SLC30A4: variants seen among roughly 807,000 people sequenced by gnomAD.
SLC30A4 encodes the protein probable proton-coupled zinc antiporter SLC30A4.
Under a neutral mutation model 41.7 loss-of-function variants are expected in SLC30A4, and 20 were observed. The ratio of observed to expected loss-of-function variants is 0.48; its 90% CI spans 0.34 to 0.70. The LOEUF (loss-of-function observed/expected upper bound fraction) is 0.70, where lower values mean the gene tolerates loss of function less well. Ranked by LOEUF, SLC30A4 falls within the 30% of genes least tolerant of loss-of-function variation. SLC30A4 has a pLI of 0.01. For missense variants in SLC30A4, 441 were observed against 529.3 expected (o/e 0.83, Z 1.64); for synonymous variants, 181 against 195.9 (o/e 0.92, Z 0.64).
chr15:45,480,015 G>C lies in SLC30A4; in HGVS notation c.*5148C>G, dbSNP rs1453443154. ...TTATTTAATAACATGTATTTATTGA[G>C]AGAAGCATAAACTTTCCAAATATAC... On this transcript the variant is annotated 3_prime_UTR_variant, in exon 8 of 8. Transcript: ENST00000261867. The C allele has an allele frequency of 1.3e-5, 2 of 152,068 alleles. No homozygotes were observed. The highest frequency in any genetic ancestry group is 2.9e-5 in the Non-Finnish European group (2 of 68,026). 9.4% of individuals were successfully genotyped at this position (152,068 alleles called of 1,614,324 possible).
chr15:45,500,400 A>G (rs751466258), intron 3 of SLC30A4, among the ~76,000 whole-genome samples: 13 of 152,222 alleles, frequency 8.5e-5, no homozygotes, highest in Non-Finnish European at 1.5e-4. Flanking sequence ...TACTCTCCAA[A>G]AGGTCATATA....
chr15:45,501,320 T>C (rs1302916814), intron 3 of SLC30A4, among the ~76,000 whole-genome samples: 1 of 151,690 alleles, frequency 6.6e-6, no homozygotes, highest in African/African-American at 2.4e-5. Context: ...AAAAAAAAAT[T>C]ATGGAAAAAT....
chr15:45,512,760 G>A (rs1892337610), intron 2 of SLC30A4, among the ~76,000 whole-genome samples: 1 of 152,310 alleles, frequency 6.6e-6, no homozygotes, highest in South Asian at 2.1e-4. Context: ...ACTTTGAGAT[G>A]ATAGAAATGT....
chr15:45,508,601 G>A (rs1892212209), intron 3 of SLC30A4, among the ~76,000 whole-genome samples: 2 of 152,042 alleles, frequency 1.3e-5, no homozygotes, highest in African/African-American at 4.8e-5. Context: ...AAAATTTCTG[G>A]AAATGTGTTT....
At chr15:45,493,599 G>A (rs1006543731) in intron 3 of SLC30A4, among the ~76,000 whole-genome samples, 2 of 152,108 alleles carry the variant, frequency 1.3e-5, no homozygotes, top group African/African-American at 4.8e-5. Context: ...AGGCCGAGGC[G>A]GGCGGATCAC....
chr15:45,492,204 G>T (rs1891823677), intron 3 of SLC30A4, among the ~76,000 whole-genome samples: 1 of 133,628 alleles, frequency 7.5e-6, no homozygotes, highest in Admixed American at 7.8e-5. Flanking sequence ...AGCATTGTCT[G>T]TAGCATCCAA....
chr15:45,493,000 G>T (rs373949202), intron 3 of SLC30A4, among the ~76,000 whole-genome samples: 6 of 152,178 alleles, frequency 3.9e-5, no homozygotes, highest in Admixed American at 6.5e-5. Context: ...GGCCAGACGC[G>T]GTGGCTTATG....
chr15:45,517,841 A>G (rs577135002), intron 2 of SLC30A4, among the ~76,000 whole-genome samples: 2 of 152,064 alleles, frequency 1.3e-5, no homozygotes, highest in Admixed American at 1.3e-4. Context: ...CCAGCTACTC[A>G]GGAGGCTGAG....
At position 45,522,408 on chromosome 15, in the gene SLC30A4, G is replaced by C; in HGVS notation, c.-54C>G. On this transcript the variant is annotated 5_prime_UTR_variant, in exon 2 of 8. Transcript: ENST00000261867. The stretch of plus-strand genomic sequence containing the variant: ...ACGGCTTGGGGGAGGCGGACGGCCG[G>C]CGGCGCCTACTTCACCGGAGCGCCA... 1 of 1,508,674 alleles carries C rather than the reference G, an allele frequency of 6.6e-7. No individual in the cohort carries two copies. Among genetic ancestry groups the C allele is most frequent in the Non-Finnish European group, 8.8e-7 (1 of 1,134,622 alleles). The allele number at this position is 1,508,674 out of a possible 1,614,324, so 93.5% of individuals were successfully genotyped here. A position where few individuals can be genotyped will look rare whatever the true frequency, so the allele number is the denominator to read the frequency against.
chr15:45,511,883 G>A (rs1248669907), intron 2 of SLC30A4, among the ~76,000 whole-genome samples: 1 of 152,200 alleles, frequency 6.6e-6, no homozygotes, highest in Admixed American at 6.6e-5. Context: ...TCTTGGTACT[G>A]AAGCTTTTGC....
Position 45,483,246 on chromosome 15 carries a change from G to A in SLC30A4, c.*1917C>T, listed in dbSNP as rs1332504574. 6.6e-6 allele frequency: 1 copy of A among 152,100 alleles called. No individual in the cohort carries two copies. The highest frequency in any genetic ancestry group is 1.5e-5 in the Non-Finnish European group (1 of 68,014). The allele number at this position is 152,100 out of a possible 1,614,324, so 9.4% of individuals were successfully genotyped here. The stretch of plus-strand genomic sequence containing the variant: ...AAGGTACTTGGTAAGAAGATAAAAT[G>A]TTTCCTATTCTTCATTTATATTGTA... On this transcript the variant is annotated 3_prime_UTR_variant, in exon 8 of 8. Coordinates refer to ENST00000261867, the MANE Select transcript of SLC30A4 (RefSeq NM_013309.6).
chr15:45,517,689 C>T (rs1358445772), intron 2 of SLC30A4, among the ~76,000 whole-genome samples: 1 of 152,062 alleles, frequency 6.6e-6, no homozygotes, highest in African/African-American at 2.4e-5. Flanking sequence ...TGGCTCACGC[C>T]TGTAATCCCA....
At chr15:45,516,227 G>C (rs1225359790) in intron 2 of SLC30A4, among the ~76,000 whole-genome samples, 1 of 152,164 alleles carries the variant, frequency 6.6e-6, no homozygotes, top group East Asian at 1.9e-4. Context: ...CACTTCCAGA[G>C]GTACCTGGTA....
rs1891610735 is a variant in SLC30A4 at position 45,482,085 on chromosome 15, A to G, written c.*3078T>C. 2 of 140,904 alleles carry G rather than the reference A, an allele frequency of 1.4e-5. No individual in the cohort carries two copies. The highest frequency in any genetic ancestry group is 5.8e-5 in the African/African-American group (2 of 34,382). 8.7% of individuals were successfully genotyped at this position (140,904 alleles called of 1,614,324 possible). A position where few individuals can be genotyped will look rare whatever the true frequency, so the allele number is the denominator to read the frequency against. On this transcript the variant is annotated 3_prime_UTR_variant, in exon 8 of 8. Coordinates refer to ENST00000261867, the MANE Select transcript of SLC30A4 (RefSeq NM_013309.6). ...AAAAAAAAAAAAAAAAAAAAAAAAA[A>G]GATTTACAAAGGTTTGCAGTGTTTC...
In SLC30A4 at chr15:45,511,320, T is replaced by C. The variant is rs867289246; in HGVS notation, c.392-36A>G. On this transcript the variant is annotated intron_variant, in intron 2 of 7. Transcript: ENST00000261867. Reference sequence around the variant, plus strand: ...CAAGTAGGAGAAAAAAGGAACAAGTTAATTTTTTAAAAAAGCAAGCAATCA... The same window carrying C: ...CAAGTAGGAGAAAAAAGGAACAAGTCAATTTTTTAAAAAAGCAAGCAATCA... 39 of 1,472,600 alleles carry C rather than the reference T, an allele frequency of 2.6e-5. No individual in the cohort carries two copies. In the Middle Eastern group the frequency reaches 6.3e-3, roughly 239 times the overall value. 91.2% of individuals were successfully genotyped at this position (1,472,600 alleles called of 1,614,324 possible).
intron 2 of SLC30A4, among the ~76,000 whole-genome samples, chr15:45,512,157 T>C (rs539672410): frequency 6.6e-6 from 1 of 152,316 alleles, no homozygotes; most frequent in South Asian, 2.1e-4. Flanking sequence ...ATATATATAT[T>C]ATACATTGTT....
At chr15:45,494,403 G>C (rs1003001277) in intron 3 of SLC30A4, among the ~76,000 whole-genome samples, 10 of 152,190 alleles carry the variant, frequency 6.6e-5, no homozygotes, top group African/African-American at 2.4e-4. Flanking sequence ...ACTGTAAAGA[G>C]GCTGGGTGCG....
At chr15:45,513,747 C>G (rs1892371201) in intron 2 of SLC30A4, 1 of 152,182 alleles carries the variant, frequency 6.6e-6, no homozygotes, top group Non-Finnish European at 1.5e-5. Context: ...GTGAAAACCT[C>G]AGGTTGGCAG....
chr15:45,521,464 G>A (rs1333592117), intron 2 of SLC30A4, among the ~76,000 whole-genome samples: 1 of 151,966 alleles, frequency 6.6e-6, no homozygotes. Flanking sequence ...GACTGTAGAT[G>A]TGGCTCTTCC....
Sources: allele counts gnomAD v4.1 joint callset (sites outside exome capture counted in the v4.1 genomes callset), GRCh38; gene constraint gnomAD v4.1.1; transcripts MANE v1.5; gene names NCBI Gene and HGNC (gene_info 2026-07-23, HGNC 2026-07-21).